Variants in CCL17 observed in about 807,000 individuals in gnomAD.
CCL17 encodes the protein C-C motif chemokine 17.
In CCL17, 8 loss-of-function variants were observed where a neutral mutation model predicts 7.4. The ratio of observed to expected loss-of-function variants is 1.09; its 90% CI spans 0.64 to 1.96. CCL17 has a LOEUF of 1.96. Ranked by LOEUF, CCL17 falls within the 30% of genes most tolerant of loss-of-function variation. CCL17 has a pLI of 0.00. For synonymous variants in CCL17, 40 were observed against 46.1 expected, an observed-to-expected ratio of 0.87 and a Z score of 0.54; for missense variants, 102 against 113.0, an observed-to-expected ratio of 0.90 and a Z score of 0.44.
chr16:57,413,313 C>T (rs1469427298), intron 1 of CCL17, among the ~76,000 whole-genome samples: 2 of 152,196 alleles, frequency 1.3e-5, no homozygotes, highest in Non-Finnish European at 2.9e-5. Flanking sequence ...GCAGATAAAG[C>T]ATGGATCTCC....
intron 1 of CCL17, among the ~76,000 whole-genome samples, chr16:57,410,390 C>T (rs554116022): frequency 1.3e-5 from 2 of 152,286 alleles, no homozygotes; most frequent in East Asian, 3.9e-4. Context: ...TTACCACAGC[C>T]GCTCCTCCCA....
intron 2 of CCL17, among the ~76,000 whole-genome samples, 196 bp downstream of exon 2, chr16:57,414,198 G>A (rs1204091473): frequency 1.3e-4 from 20 of 152,148 alleles, no homozygotes; most frequent in African/African-American, 4.8e-4. Context: ...CGATGCCCCA[G>A]CTCTTGCGGG....
At chr16:57,408,295 C>T (rs540469923) in intron 1 of CCL17, among the ~76,000 whole-genome samples, 52 of 152,004 alleles carry the variant, frequency 3.4e-4, no homozygotes, top group Middle Eastern at 3.5e-3. Flanking sequence ...CTCACCCACA[C>T]GTCCATCCAT....
chr16:57,407,043 T>C (rs1902706834), intron 1 of CCL17, among the ~76,000 whole-genome samples: 1 of 151,728 alleles, frequency 6.6e-6, no homozygotes, highest in Non-Finnish European at 1.5e-5. Flanking sequence ...AGAGAGGAAA[T>C]GGTAGAGGGA....
At chr16:57,413,701 G>A (rs1340671459) in intron 1 of CCL17, among the ~76,000 whole-genome samples, 173 bp from the exon 2 acceptor site, 1 of 152,140 alleles carries the variant, frequency 6.6e-6, no homozygotes, top group Non-Finnish European at 1.5e-5. Context: ...GTCTCCAGTT[G>A]AGTGCCCATT....
chr16:57,411,116 C>G (rs1420028038), intron 1 of CCL17, among the ~76,000 whole-genome samples: 1 of 152,222 alleles, frequency 6.6e-6, no homozygotes, highest in Admixed American at 6.5e-5. Context: ...AGCCCTAGGC[C>G]CTACAGCCAC....
rs1439112446 is a variant in CCL17, at chr16:57,415,715, G to C, written c.189-50G>C. 8.0e-7 allele frequency: 1 copy of C among 1,245,392 alleles called. No individual in the cohort carries two copies. Among genetic ancestry groups the C allele is most frequent in the Non-Finnish European group, 1.2e-6 (1 of 844,568 alleles). The allele number at this position is 1,245,392 out of a possible 1,614,324, so 77.1% of individuals were successfully genotyped here. ...CAGGGCGGGCCGTCCCAGGGACTCT[G>C]GGGGCCCTTCCCCCCCTGCCACTCC... On this transcript the variant is annotated intron_variant, in intron 3 of 3. Transcript: ENST00000219244. The surrounding 1 kb of genome is among the most constrained non-coding windows in gnomAD (Gnocchi z 4.5).
At position 57,415,083 on chromosome 16, in the gene CCL17, C is replaced by T. The variant is rs369547686; in HGVS notation, c.73C>T (p.Arg25Ter). 1.6e-5 allele frequency: 25 copies of T among 1,609,364 alleles called. No homozygotes were observed. Among genetic ancestry groups the T allele is most frequent in the Admixed American group, 5.0e-5 (3 of 60,016 alleles). ...CTGCCCCGCTCCTCTCCCTGCAGCT[C>T]GAGGGACCAATGTGGGCCGGGAGTG... ...GASLQHIHAA[R>*]GTNVGRECCL... The change falls in exon 3 of 4, where the codon CGA (arginine) becomes TGA (stop). Residue 25 changes from arginine to a stop codon, truncating the protein, a stop_gained and splice_region_variant. Coordinates refer to ENST00000219244, the MANE Select transcript of CCL17 (RefSeq NM_002987.3). LOFTEE classifies it high-confidence loss of function. This position sits in a 1 kb window ranked among gnomAD's most constrained non-coding sequence, Gnocchi z 4.5.
intron 1 of CCL17, among the ~76,000 whole-genome samples, chr16:57,409,750 T>C (rs1400237727): frequency 6.6e-6 from 1 of 152,090 alleles, no homozygotes; most frequent in Non-Finnish European, 1.5e-5. Flanking sequence ...GAGGACACCC[T>C]GTCAGGAACG....
chr16:57,414,367 TA>T (rs1902832814), intron 2 of CCL17, among the ~76,000 whole-genome samples: 1 of 145,582 alleles, frequency 6.9e-6, no homozygotes, highest in South Asian at 2.2e-4. Context: ...GGAATCAGCA[TA>T]AAGATAGGAG....
intron 1 of CCL17, among the ~76,000 whole-genome samples, chr16:57,413,248 A>T (rs887129567): frequency 6.6e-6 from 1 of 152,160 alleles, no homozygotes; most frequent in African/African-American, 2.4e-5. Context: ...CTCACCTGGG[A>T]TGGGACACCA....
chr16:57,408,594 A>T (rs1356639569), intron 1 of CCL17, among the ~76,000 whole-genome samples: 17 of 150,920 alleles, frequency 1.1e-4, no homozygotes, highest in Admixed American at 4.0e-4. Flanking sequence ...TTCGAGATGG[A>T]GTCTCACTAT....
chr16:57,396,229 G>A, the CCL17 span, among the ~76,000 whole-genome samples: 3,682 of 152,264 alleles, frequency 0.024, 160 homozygotes, highest in African/African-American at 0.085. Context: ...ATTTCCTGGG[G>A]CAATGTCAAT....
At chr16:57,410,484 T>C (rs223897) in intron 1 of CCL17, among the ~76,000 whole-genome samples, 116,514 of 152,082 alleles carry the variant, frequency 0.77, 45,631 homozygotes, top group African/African-American at 0.91. Flanking sequence ...TTCCCTTCCT[T>C]TGGCCACAGC....
chr16:57,398,477 C>G, the CCL17 span, among the ~76,000 whole-genome samples: 1 of 152,196 alleles, frequency 6.6e-6, no homozygotes, highest in Non-Finnish European at 1.5e-5. Flanking sequence ...CTCTGGTTCC[C>G]ATTCTACTAG....
In CCL17 at chr16:57,415,699, C is replaced by G; in HGVS notation, c.189-66C>G. ...GGAATCCTGGTCAGCACAGGGCGGG[C>G]CGTCCCAGGGACTCTGGGGGCCCTT... On this transcript the variant is annotated intron_variant, in intron 3 of 3. Coordinates refer to ENST00000219244, the MANE Select transcript of CCL17 (RefSeq NM_002987.3). The surrounding 1 kb of genome is among the most constrained non-coding windows in gnomAD (Gnocchi z 4.5). 5 of 1,026,972 alleles carry G rather than the reference C, an allele frequency of 4.9e-6. No homozygotes were observed. In the South Asian group the frequency reaches 6.4e-5, roughly 13 times the overall value. The allele number at this position is 1,026,972 out of a possible 1,614,324, so 63.6% of individuals were successfully genotyped here. A position where few individuals can be genotyped will look rare whatever the true frequency, so the allele number is the denominator to read the frequency against.
At chr16:57,396,562 C>T in the CCL17 span, among the ~76,000 whole-genome samples, 1 of 152,112 alleles carries the variant, frequency 6.6e-6, no homozygotes, top group Non-Finnish European at 1.5e-5. Flanking sequence ...GATGAGAAGG[C>T]ATTCACTAGT....
intron 1 of CCL17, among the ~76,000 whole-genome samples, chr16:57,411,146 AC>A (rs1902778284): frequency 6.6e-6 from 1 of 152,110 alleles, no homozygotes; most frequent in African/African-American, 2.4e-5. Flanking sequence ...GCAGCCTTCC[AC>A]GAATTCTGGC....
upstream of CCL17, among the ~76,000 whole-genome samples, chr16:57,401,430 G>A (rs1902589922): frequency 6.6e-6 from 1 of 151,800 alleles, no homozygotes; most frequent in Non-Finnish European, 1.5e-5. Context: ...AGGCTGAGGT[G>A]GGAGAGTCGC....
Sources: allele counts gnomAD v4.1 joint callset (sites outside exome capture counted in the v4.1 genomes callset), GRCh38; gene constraint gnomAD v4.1.1; non-coding constraint Gnocchi (gnomAD v3.1); transcripts MANE v1.5; gene names NCBI Gene and HGNC (gene_info 2026-07-23, HGNC 2026-07-21).